MAN1C1: variants seen among roughly 807,000 people sequenced by gnomAD.
The protein encoded by MAN1C1 is mannosidase alpha class 1C member 1, also known as mannosyl-oligosaccharide 1,2-alpha-mannosidase IC.
MAN1C1 carries 49 observed loss-of-function variants against 71.5 expected under a neutral mutation model. That is an observed-to-expected ratio of 0.69 (90% confidence interval 0.54 to 0.87). The LOEUF (loss-of-function observed/expected upper bound fraction) is 0.87, where lower values mean the gene tolerates loss of function less well. MAN1C1 is among the 40% of genes least tolerant of loss of function. MAN1C1 has a pLI of 0.00. For missense variants in MAN1C1, 743 were observed against 835.0 expected (o/e 0.89, Z 1.36); for synonymous variants, 352 against 343.7 (o/e 1.02, Z -0.27).
intron 1 of MAN1C1, among the ~76,000 whole-genome samples, chr1:25,623,827 CA>C (rs2045253245): frequency 6.6e-6 from 1 of 152,100 alleles, no homozygotes; most frequent in Admixed American, 6.5e-5. Flanking sequence ...CTTTCAGTGG[CA>C]AAATTGGGAA....
At chr1:25,727,076 C>G (rs907985929) in intron 2 of MAN1C1, among the ~76,000 whole-genome samples, 32 of 151,736 alleles carry the variant, frequency 2.1e-4, no homozygotes, top group African/African-American at 7.5e-4. Flanking sequence ...AAGTAAAATT[C>G]TTGGTTTAGG....
At chr1:25,717,546 G>T (rs1183875076) in intron 2 of MAN1C1, among the ~76,000 whole-genome samples, 1 of 149,864 alleles carries the variant, frequency 6.7e-6, no homozygotes, top group African/African-American at 2.5e-5. Context: ...TTGCCAAATT[G>T]TCTTTTTCAA....
intron 2 of MAN1C1, among the ~76,000 whole-genome samples, chr1:25,718,569 T>C (rs1022318033): frequency 6.6e-6 from 1 of 152,136 alleles, no homozygotes; most frequent in Non-Finnish European, 1.5e-5. Flanking sequence ...AAAGAAACTT[T>C]GTGCCCATCA....
intron 7 of MAN1C1, among the ~76,000 whole-genome samples, chr1:25,771,353 C>G (rs1364536644): frequency 6.6e-6 from 1 of 152,236 alleles, no homozygotes; most frequent in Non-Finnish European, 1.5e-5. Flanking sequence ...AACTCACTTA[C>G]AGTTAATAAC....
At position 25,617,244 on chromosome 1, in the gene MAN1C1, G is replaced by C. The variant is rs2045112973; in HGVS notation, c.-554G>C. On this transcript the variant is annotated 5_prime_UTR_variant, in exon 1 of 12. Coordinates refer to ENST00000374332, the MANE Select transcript of MAN1C1 (RefSeq NM_020379.4). The surrounding 1 kb of genome is among the most constrained non-coding windows in gnomAD (Gnocchi z 5.1). The stretch of plus-strand genomic sequence containing the variant: ...GTCGAGCCCGGGCGCTGTCGCGACC[G>C]GGCCGGGTGTGCGCGCGCTCGGGGC... 6.6e-6 allele frequency among the ~76,000 whole-genome samples: 1 copy of C among 151,410 alleles called. No individual in the cohort carries two copies. The highest frequency in any genetic ancestry group is 1.5e-5 in the Non-Finnish European group (1 of 67,770).
At chr1:25,666,283 T>C (rs903573656) in intron 1 of MAN1C1, among the ~76,000 whole-genome samples, 3 of 152,222 alleles carry the variant, frequency 2.0e-5, no homozygotes, top group Non-Finnish European at 4.4e-5. Flanking sequence ...CTCTGTCTTT[T>C]TGCGTCGTTT....
intron 7 of MAN1C1, among the ~76,000 whole-genome samples, chr1:25,766,051 A>G (rs2047422219): frequency 6.6e-6 from 1 of 152,218 alleles, no homozygotes. Flanking sequence ...GCAAGGCAGC[A>G]GAACCCATGA....
chr1:25,648,531 C>G (rs902842806), intron 1 of MAN1C1, among the ~76,000 whole-genome samples: 2 of 152,162 alleles, frequency 1.3e-5, no homozygotes, highest in African/African-American at 4.8e-5. Flanking sequence ...TGAAATGGAT[C>G]TATTTTACCC....
rs965304228 is a variant in MAN1C1, at chr1:25,764,815, C to T, written c.1141+848C>T. On this transcript the variant is annotated intron_variant, in intron 7 of 11. Coordinates refer to ENST00000374332, the MANE Select transcript of MAN1C1 (RefSeq NM_020379.4). This position sits in a 1 kb window ranked among gnomAD's most constrained non-coding sequence, Gnocchi z 4.4. ...TCAGGCCAAGCACCTGACGGGAGGC[C>T]GAGGCAGGCGGATCACGAGGTCAGG... Among the ~76,000 whole-genome samples, 7 of 151,986 alleles carry T rather than the reference C, an allele frequency of 4.6e-5. No homozygotes were observed. Among genetic ancestry groups the T allele is most frequent in the Admixed American group, 6.6e-5 (1 of 15,260 alleles).
In MAN1C1 at chr1:25,782,660, GACA is replaced by G; in HGVS notation, c.1731_1733del (p.Asn577del). On this transcript the variant is annotated inframe_deletion, in exon 11 of 12. Transcript: ENST00000374332. This position sits in a 1 kb window ranked among gnomAD's most constrained non-coding sequence, Gnocchi z 4.4. ...CGTGTACAGTAGCACCCCCAACCAC[GACA>G]ACAAGCAGCAGAGCTTCTTTCTAGC... 6.2e-7 allele frequency: 1 copy of G among 1,614,068 alleles called. No individual in the cohort carries two copies. Among genetic ancestry groups the G allele is most frequent in the Non-Finnish European group, 8.5e-7 (1 of 1,180,006 alleles).
chr1:25,669,471 A>G (rs1450620437), intron 1 of MAN1C1, among the ~76,000 whole-genome samples: 1 of 152,220 alleles, frequency 6.6e-6, no homozygotes, highest in African/African-American at 2.4e-5. Flanking sequence ...GAGGTGCTCA[A>G]TAAATACTGG....
chr1:25,725,503 G>T lies in MAN1C1; in HGVS notation c.638-21165G>T, dbSNP rs903966431. 1.3e-5 allele frequency among the ~76,000 whole-genome samples: 2 copies of T among 152,222 alleles called. No homozygotes were observed. The highest frequency in any genetic ancestry group is 2.9e-5 in the Non-Finnish European group (2 of 68,034). On this transcript the variant is annotated intron_variant, in intron 2 of 11. Coordinates refer to ENST00000374332, the MANE Select transcript of MAN1C1 (RefSeq NM_020379.4). The surrounding 1 kb of genome is among the most constrained non-coding windows in gnomAD (Gnocchi z 4.8). Reference sequence around the variant, plus strand: ...AAGAATAAGCTGGAGTCTCCCAGGTGAGGAGGGCATTCTAGGTAAAGGGCA... The same window carrying T: ...AAGAATAAGCTGGAGTCTCCCAGGTTAGGAGGGCATTCTAGGTAAAGGGCA...
At position 25,775,265 on chromosome 1, in the gene MAN1C1, G is replaced by T. The variant is rs374762292; in HGVS notation, c.1258-2840G>T. ...CATGGCTCTGCCCGGGAGCCAGGCC[G>T]GGCCCAGAGCAGACCCCTGCCTGCA... On this transcript the variant is annotated intron_variant, in intron 8 of 11. Coordinates refer to ENST00000374332, the MANE Select transcript of MAN1C1 (RefSeq NM_020379.4). The surrounding 1 kb of genome is among the most constrained non-coding windows in gnomAD (Gnocchi z 5.1). 2.6e-5 allele frequency among the ~76,000 whole-genome samples: 4 copies of T among 152,202 alleles called. No individual in the cohort carries two copies. Among genetic ancestry groups the T allele is most frequent in the Admixed American group, 6.5e-5 (1 of 15,286 alleles).
intron 1 of MAN1C1, among the ~76,000 whole-genome samples, chr1:25,644,284 T>C (rs952459610): frequency 2.0e-5 from 3 of 151,816 alleles, no homozygotes; most frequent in African/African-American, 4.9e-5. Context: ...GTGTTGTGCA[T>C]GTGGATATAG....
intron 2 of MAN1C1, among the ~76,000 whole-genome samples, chr1:25,732,054 G>A (rs1026040567): frequency 1.3e-5 from 2 of 152,124 alleles, no homozygotes; most frequent in Non-Finnish European, 2.9e-5. Flanking sequence ...GGGATCAGTG[G>A]TGGGGCCCAG....
At chr1:25,659,456 C>G (rs569354610) in intron 1 of MAN1C1, among the ~76,000 whole-genome samples, 10 of 152,374 alleles carry the variant, frequency 6.6e-5, no homozygotes, top group African/African-American at 2.4e-4. Context: ...CCTCCAGGAA[C>G]TGAGCAGGCC....
chr1:25,783,658 C>T lies in MAN1C1; in HGVS notation c.1767-5C>T. 1 of 1,611,536 alleles carries T rather than the reference C, an allele frequency of 6.2e-7. No individual in the cohort carries two copies. Among genetic ancestry groups the T allele is most frequent in the Non-Finnish European group, 8.5e-7 (1 of 1,179,760 alleles). On this transcript the variant is annotated splice_region_variant and splice_polypyrimidine_tract_variant and intron_variant, in intron 11 of 11. Transcript: ENST00000374332. ...TCTTGCTTCCCTGCCCTGCGTGGGG[C>T]ACAGGTATCTCTATCTTCTGTTCTC...
Position 25,775,434 on chromosome 1 carries a change from A to G in MAN1C1, c.1258-2671A>G, listed in dbSNP as rs908533909. Among the ~76,000 whole-genome samples, 2 of 152,216 alleles carry G rather than the reference A, an allele frequency of 1.3e-5. No individual in the cohort carries two copies. Among genetic ancestry groups the G allele is most frequent in the Non-Finnish European group, 2.9e-5 (2 of 68,042 alleles). On this transcript the variant is annotated intron_variant, in intron 8 of 11. Coordinates refer to ENST00000374332, the MANE Select transcript of MAN1C1 (RefSeq NM_020379.4). The surrounding 1 kb of genome is among the most constrained non-coding windows in gnomAD (Gnocchi z 5.1). ...AGCCCTGGGCCCTGACAGGAGAGAA[A>G]AAAGGAAAAAACAGACCCAGGAGTG...
chr1:25,697,927 T>C (rs2046388756), intron 2 of MAN1C1, among the ~76,000 whole-genome samples: 3 of 152,244 alleles, frequency 2.0e-5, no homozygotes, highest in Non-Finnish European at 2.9e-5. Flanking sequence ...TCCTGCTGAA[T>C]GCTGCCTCTC....
Sources: gnomAD v4.1 joint callset for allele counts (sites outside exome capture counted in the v4.1 genomes callset) on GRCh38, gnomAD v4.1.1 for gene constraint, Gnocchi (gnomAD v3.1) non-coding constraint, MANE v1.5 for transcripts, NCBI Gene and HGNC (gene_info 2026-07-23, HGNC 2026-07-21) for gene names.